Variants in JARID2 observed in about 807,000 individuals in gnomAD.
JARID2 encodes protein Jumonji.
A neutral mutation model predicts 125.6 loss-of-function variants in JARID2; 21 were observed. The observed-to-expected ratio is 0.17, with a 90% CI of 0.12 to 0.24. JARID2 has a LOEUF of 0.24. JARID2 is among the 10% of genes least tolerant of loss of function. JARID2 has a pLI of 1.00. For missense variants in JARID2, 1,303 were observed against 1,639.6 expected, an observed-to-expected ratio of 0.79 and a Z score of 3.55; for synonymous variants, 736 against 661.6, an observed-to-expected ratio of 1.11 and a Z score of -1.73.
rs567896917 is a variant in JARID2 at position 15,487,286 on chromosome 6, T to A, written c.671-21T>A. 1.1e-4 allele frequency: 179 copies of A among 1,604,246 alleles called. 1 individual carries two copies. The South Asian group carries it at 1.9e-3, about 17-fold the overall frequency. On this transcript the variant is annotated intron_variant, in intron 5 of 17. Transcript: ENST00000341776. The stretch of plus-strand genomic sequence containing the variant: ...GTGGTCAAGGTAGTGATTTCATTCT[T>A]GTTTTCTCCTTCCTTTCTAGTTTTC...
intron 1 of JARID2, among the ~76,000 whole-genome samples, chr6:15,258,646 G>A (rs145973584): frequency 6.6e-6 from 1 of 152,270 alleles, no homozygotes; most frequent in Non-Finnish European, 1.5e-5. Flanking sequence ...GCCAGGTGTG[G>A]TGGCAAGCGC....
intron 16 of JARID2, among the ~76,000 whole-genome samples, chr6:15,516,830 T>C (rs1300913181): frequency 2.6e-5 from 4 of 152,180 alleles, no homozygotes; most frequent in Admixed American, 2.0e-4. Flanking sequence ...TCACTGTCTT[T>C]AGCAGCCTGG....
At chr6:15,424,350 C>T in intron 3 of JARID2, among the ~76,000 whole-genome samples, 1 of 152,202 alleles carries the variant, frequency 6.6e-6, no homozygotes, top group Non-Finnish European at 1.5e-5. Flanking sequence ...TCTCCCTCCA[C>T]AATCCTCCAA....
At chr6:15,390,854 T>A (rs1764973911) in intron 2 of JARID2, among the ~76,000 whole-genome samples, 1 of 152,180 alleles carries the variant, frequency 6.6e-6, no homozygotes, top group South Asian at 2.1e-4. Flanking sequence ...TGTAAGTATG[T>A]CCCAGGGTCC....
At position 15,521,598 on chromosome 6, in the gene JARID2, A is replaced by AGTAT. The variant is rs1297411221; in HGVS notation, c.*1350_*1353dup. ...GTTGCCCTTCTCCGGTTGTGTGTAC[A>AGTAT]GTATGTGTGGAATAAAAAAGGGAAA... On this transcript the variant is annotated 3_prime_UTR_variant, in exon 18 of 18. Transcript: ENST00000341776. The AGTAT allele has an allele frequency of 6.6e-6, 1 of 152,178 alleles. No individual in the cohort carries two copies. Among genetic ancestry groups the AGTAT allele is most frequent in the Non-Finnish European group, 1.5e-5 (1 of 68,018 alleles). The allele number at this position is 152,178 out of a possible 1,614,324, so 9.4% of individuals were successfully genotyped here.
At chr6:15,395,751 G>C (rs529888928) in intron 2 of JARID2, among the ~76,000 whole-genome samples, 1 of 151,670 alleles carries the variant, frequency 6.6e-6, no homozygotes, top group South Asian at 2.1e-4. Flanking sequence ...TGCAGTGTTT[G>C]TCTCTTGGGT....
At chr6:15,344,443 G>C (rs1318835917) in intron 1 of JARID2, among the ~76,000 whole-genome samples, 1 of 151,718 alleles carries the variant, frequency 6.6e-6, no homozygotes, top group Non-Finnish European at 1.5e-5. Flanking sequence ...TCCTACTAAA[G>C]TCTGAGCTCT....
chr6:15,503,873 C>G (rs1163805893), intron 8 of JARID2, among the ~76,000 whole-genome samples: 2 of 152,192 alleles, frequency 1.3e-5, no homozygotes, highest in African/African-American at 4.8e-5. Flanking sequence ...GCAAGCAAAT[C>G]ATTCTGGAAG....
At chr6:15,390,766 C>T (rs1034161584) in intron 2 of JARID2, among the ~76,000 whole-genome samples, 1 of 152,150 alleles carries the variant, frequency 6.6e-6, no homozygotes, top group African/African-American at 2.4e-5. Flanking sequence ...CATCTACCCT[C>T]CTGCCAGCTC....
intron 1 of JARID2, among the ~76,000 whole-genome samples, chr6:15,259,262 C>G (rs1454205274): frequency 6.6e-6 from 1 of 152,226 alleles, no homozygotes; most frequent in Non-Finnish European, 1.5e-5. Context: ...TAAATTGCCT[C>G]CTTTTCCATT....
chr6:15,266,187 TG>T, intron 1 of JARID2, among the ~76,000 whole-genome samples: 1 of 152,328 alleles, frequency 6.6e-6, no homozygotes, highest in African/African-American at 2.4e-5. Context: ...GTGTGTCCGA[TG>T]AATCTCCTGT....
At chr6:15,298,691 A>G (rs905795040) in intron 1 of JARID2, among the ~76,000 whole-genome samples, 2 of 151,838 alleles carry the variant, frequency 1.3e-5, no homozygotes, top group African/African-American at 4.8e-5. Flanking sequence ...AAAAAAAAAA[A>G]AAAGAAAAAA....
chr6:15,465,531 C>A (rs1768679307), intron 4 of JARID2, among the ~76,000 whole-genome samples: 1 of 152,138 alleles, frequency 6.6e-6, no homozygotes, highest in Non-Finnish European at 1.5e-5. Flanking sequence ...CATTTTAGTT[C>A]TTTGCAACAT....
intron 3 of JARID2, among the ~76,000 whole-genome samples, chr6:15,449,909 T>G (rs1376035087): frequency 1.3e-5 from 2 of 152,200 alleles, no homozygotes. Flanking sequence ...GATTGGAAAT[T>G]CCTCATAACA....
intron 1 of JARID2, among the ~76,000 whole-genome samples, chr6:15,319,149 C>G (rs1298220547): frequency 6.6e-6 from 1 of 152,146 alleles, no homozygotes; most frequent in Non-Finnish European, 1.5e-5. Flanking sequence ...GTCTGTCTGT[C>G]TCTCATATGT....
chr6:15,361,837 G>A (rs1200270116), intron 1 of JARID2, among the ~76,000 whole-genome samples: 1 of 149,420 alleles, frequency 6.7e-6, no homozygotes. Context: ...AATGGTGATT[G>A]TTGTAAAGTA....
intron 1 of JARID2, among the ~76,000 whole-genome samples, chr6:15,263,074 TTGTGTGTGTGTGTGTGTGTGTGTG>T (rs561238062): frequency 2.9e-5 from 4 of 139,720 alleles, no homozygotes; most frequent in Admixed American, 2.1e-4. Flanking sequence ...GGGTGTGTGT[TTGTGTGTGTGTGTGTGTGTGTGTG>T]TGTGTGTGTG....
intron 16 of JARID2, among the ~76,000 whole-genome samples, chr6:15,515,374 AC>A (rs1331720899): frequency 6.6e-6 from 1 of 152,116 alleles, no homozygotes; most frequent in Non-Finnish European, 1.5e-5. Context: ...TGGTAGTTAC[AC>A]CTGGGGGTGA....
chr6:15,247,479 C>G, intron 1 of JARID2: 1 of 980,970 alleles, frequency 1.0e-6, no homozygotes, highest in Non-Finnish European at 1.2e-6. Flanking sequence ...AGGGATTAAC[C>G]AAATATGCAC....
Sources: allele counts gnomAD v4.1 joint callset (sites outside exome capture counted in the v4.1 genomes callset), GRCh38; gene constraint gnomAD v4.1.1; transcripts MANE v1.5; gene names NCBI Gene and HGNC (gene_info 2026-07-23, HGNC 2026-07-21).